Variants in APBB2 observed in about 807,000 individuals in gnomAD.
APBB2 encodes the protein amyloid beta precursor protein binding family B member 2, also known as Fe65-like 1.
In APBB2, 38 loss-of-function variants were observed where a neutral mutation model predicts 82.5. That is an observed-to-expected ratio of 0.46 (90% CI 0.36 to 0.60). The LOEUF is 0.60. Among genes scored for constraint, APBB2 ranks in the 20% least tolerant of loss-of-function variants. APBB2 has a pLI of 0.00. For synonymous variants in APBB2, 341 were observed against 368.2 expected, an observed-to-expected ratio of 0.93 and a Z score of 0.85; for missense variants, 772 against 972.3, an observed-to-expected ratio of 0.79 and a Z score of 2.74.
At chr4:40,960,447 GT>G (rs34445427) in intron 6 of APBB2, among the ~76,000 whole-genome samples, 1 of 138,978 alleles carries the variant, frequency 7.2e-6, no homozygotes, top group African/African-American at 2.6e-5. Flanking sequence ...TTTTTTTCGG[GT>G]TTTTTTTTTT....
intron 6 of APBB2, among the ~76,000 whole-genome samples, chr4:40,945,933 C>T (rs1788258219): frequency 1.3e-5 from 2 of 152,154 alleles, no homozygotes; most frequent in Admixed American, 6.5e-5. Flanking sequence ...TAATTGCACG[C>T]AAAAGATTCC....
At chr4:41,025,983 T>C (rs1004660915) in intron 5 of APBB2, among the ~76,000 whole-genome samples, 2 of 149,126 alleles carry the variant, frequency 1.3e-5, no homozygotes, top group Admixed American at 1.3e-4. Flanking sequence ...GAAAATGTGG[T>C]ACATATATAC....
intron 2 of APBB2, among the ~76,000 whole-genome samples, chr4:41,115,750 C>G (rs1335552455): frequency 1.3e-5 from 2 of 152,182 alleles, no homozygotes; most frequent in Non-Finnish European, 1.5e-5. Context: ...AAATGCAAAT[C>G]AAAACCACAA....
chr4:41,022,457 C>T (rs142583986), intron 5 of APBB2, among the ~76,000 whole-genome samples: 1 of 152,268 alleles, frequency 6.6e-6, no homozygotes, highest in East Asian at 1.9e-4. Flanking sequence ...TGTCCCTCCA[C>T]ACACTCTCAG....
At chr4:41,184,079 C>T (rs1772193058) in intron 1 of APBB2, among the ~76,000 whole-genome samples, 1 of 152,028 alleles carries the variant, frequency 6.6e-6, no homozygotes, top group South Asian at 2.1e-4. Flanking sequence ...AGATCCCTCA[C>T]ATGTGCAGTT....
intron 16 of APBB2, 80 bp from the exon 17 acceptor site, chr4:40,822,130 T>G: frequency 6.6e-7 from 1 of 1,524,602 alleles, no homozygotes; most frequent in Non-Finnish European, 9.0e-7. Context: ...GAACTGGCAT[T>G]CAGAAAGTAT....
At chr4:40,904,428 CAAATAAATAAAT>C (rs71198612) in intron 10 of APBB2, among the ~76,000 whole-genome samples, 77 of 144,284 alleles carry the variant, frequency 5.3e-4, no homozygotes, top group African/African-American at 8.6e-4. Flanking sequence ...GAGACTCCAT[CAAATAAATAAAT>C]AAATAAATAA....
At position 41,161,184 on chromosome 4, in the gene APBB2, A is replaced by C. The variant is rs932278851; in HGVS notation, c.-416-18042T>G. Among the ~76,000 whole-genome samples the C allele has an allele frequency of 5.3e-5, 8 of 151,974 alleles. No individual in the cohort carries two copies. In the South Asian group the frequency reaches 6.2e-4, roughly 12 times the overall value. On this transcript the variant is annotated intron_variant, in intron 1 of 17. Coordinates refer to ENST00000508593, the MANE Select transcript of APBB2 (RefSeq NM_004307.2). Reference sequence around the variant, plus strand: ...CTCTTCCCTGGCAAAAAAAAAAAAAAAAAAAAAAAACGTGGTAAGTTTGGA... The same window carrying C: ...CTCTTCCCTGGCAAAAAAAAAAAAACAAAAAAAAAACGTGGTAAGTTTGGA...
In APBB2 at chr4:40,866,349, T is replaced by C. The variant is rs138430264; in HGVS notation, c.1529+24015A>G. 2.9e-4 allele frequency among the ~76,000 whole-genome samples: 44 copies of C among 151,834 alleles called. 1 individual carries two copies. The highest frequency in any genetic ancestry group is 9.9e-4 in the African/African-American group (41 of 41,398). ...TCTTGGTGGTCACGAAACTCCATGC[T>C]CAGGAGCTTACTGTTGAGGCTGAAT... On this transcript the variant is annotated intron_variant, in intron 12 of 17. Transcript: ENST00000508593.
chr4:41,161,279 A>G (rs1408292230), intron 1 of APBB2, among the ~76,000 whole-genome samples: 1 of 151,862 alleles, frequency 6.6e-6, no homozygotes, highest in African/African-American at 2.4e-5. Context: ...TTTATTCTGG[A>G]ATCTCTGAGT....
chr4:40,911,945 G>T (rs1778668757), intron 10 of APBB2, among the ~76,000 whole-genome samples: 1 of 152,182 alleles, frequency 6.6e-6, no homozygotes, highest in Non-Finnish European at 1.5e-5. Context: ...TGCTGCAAAG[G>T]CCTGCTCATT....
At chr4:40,911,319 G>C (rs913572490) in intron 10 of APBB2, among the ~76,000 whole-genome samples, 1 of 152,082 alleles carries the variant, frequency 6.6e-6, no homozygotes, top group Admixed American at 6.6e-5. Flanking sequence ...ATGTACTGGG[G>C]GATGACTGTG....
rs1480172304 is a variant in APBB2, at chr4:40,823,702, T to C, written c.1874A>G (p.Asp625Gly). The change falls in exon 16 of 18, where the codon GAC becomes GGC. Residue 625 changes from aspartate to glycine, a missense_variant. Asp to Gly is a moderately conservative substitution (Grantham distance 94, BLOSUM62 -1). Coordinates refer to ENST00000508593, the MANE Select transcript of APBB2 (RefSeq NM_004307.2). ...CACGTTCATGTTCACTGACAGCCAG[T>C]CCTCCTTGTTGGATGAGGTCATAAG... ...ENLMTSSNKE[D>G]WLSVNMNVAD... 4 of 1,613,916 alleles carry C rather than the reference T, an allele frequency of 2.5e-6. No individual in the cohort carries two copies. Among genetic ancestry groups the C allele is most frequent in the Non-Finnish European group, 3.4e-6 (4 of 1,180,016 alleles).
At chr4:40,853,742 C>T (rs955536614) in intron 12 of APBB2, among the ~76,000 whole-genome samples, 2 of 152,030 alleles carry the variant, frequency 1.3e-5, no homozygotes, top group African/African-American at 4.8e-5. Flanking sequence ...CAGATATGAG[C>T]CACCACACCC....
intron 12 of APBB2, among the ~76,000 whole-genome samples, chr4:40,872,887 A>C (rs1423706237): frequency 6.6e-6 from 1 of 151,894 alleles, no homozygotes. Flanking sequence ...GGAGTTCGAG[A>C]CCAGCCTGGC....
chr4:41,196,599 C>CTTT, intron 1 of APBB2, among the ~76,000 whole-genome samples: 353 of 100,184 alleles, frequency 3.5e-3, no homozygotes, highest in Middle Eastern at 0.013. Flanking sequence ...AAGCCCCCTG[C>CTTT]TTTTTTTTTT....
intron 1 of APBB2, among the ~76,000 whole-genome samples, chr4:41,175,673 T>A (rs10050200): frequency 0.3 from 46,208 of 152,032 alleles, 7,137 homozygotes; most frequent in African/African-American, 0.35. Context: ...GAGAAATGAA[T>A]GTTTTTTAAT....
chr4:40,953,512 CGACATTCTGGG>C (rs995892684), intron 6 of APBB2, among the ~76,000 whole-genome samples: 5 of 151,990 alleles, frequency 3.3e-5, no homozygotes, highest in Admixed American at 2.6e-4. Context: ...CAATCCACCC[CGACATTCTGGG>C]GATATTAAAA....
At chr4:41,162,471 G>A (rs1179781665) in intron 1 of APBB2, among the ~76,000 whole-genome samples, 1 of 152,098 alleles carries the variant, frequency 6.6e-6, no homozygotes, top group South Asian at 2.1e-4. Context: ...CTTGCATAAA[G>A]GAAGTGAGCT....
Sources: allele counts gnomAD v4.1 joint callset (sites outside exome capture counted in the v4.1 genomes callset), GRCh38; gene constraint gnomAD v4.1.1; transcripts MANE v1.5; gene names NCBI Gene and HGNC (gene_info 2026-07-23, HGNC 2026-07-21).